The following AREL1 variants were observed in gnomAD, a reference collection of about 807,000 sequenced individuals.
AREL1 encodes the protein apoptosis resistant E3 ubiquitin protein ligase 1.
A neutral mutation model predicts 99.0 loss-of-function variants in AREL1; 62 were observed. The ratio of observed to expected loss-of-function variants is 0.63; its 90% CI spans 0.51 to 0.77. The LOEUF is 0.77. Ranked by LOEUF, AREL1 falls within the 30% of genes least tolerant of loss-of-function variation. The pLI, the probability that AREL1 is intolerant of heterozygous loss-of-function variation, is 0.00. For synonymous variants in AREL1, 380 were observed against 376.5 expected (o/e 1.01, Z -0.11); for missense variants, 879 against 1,027.6 (o/e 0.86, Z 1.98).
intron 6 of AREL1, 121 bp from the exon 7 acceptor site, chr14:74,676,442 G>T: frequency 7.1e-7 from 1 of 1,417,344 alleles, no homozygotes; most frequent in Non-Finnish European, 9.6e-7. Context: ...TTACTAATGA[G>T]ACAGGTATTG....
At chr14:74,702,741 T>C (rs1403537861) in intron 1 of AREL1, among the ~76,000 whole-genome samples, 1 of 152,216 alleles carries the variant, frequency 6.6e-6, no homozygotes, top group Non-Finnish European at 1.5e-5. Context: ...TCCAAACTTT[T>C]ATGCTCTGCT....
rs1288650732 is a variant in AREL1 at position 74,684,698 on chromosome 14, C to A, written c.17-18G>T. On this transcript the variant is annotated intron_variant, in intron 3 of 19. Transcript: ENST00000356357. Reference sequence around the variant, plus strand: ...GATTCCACCTATGCAAAAGAGAGAACACACAAACCGCCTGCCAGTTACACA... The same window carrying A: ...GATTCCACCTATGCAAAAGAGAGAAAACACAAACCGCCTGCCAGTTACACA... 10 of 1,609,436 alleles carry A rather than the reference C, an allele frequency of 6.2e-6. No homozygotes were observed. Among genetic ancestry groups the A allele is most frequent in the Non-Finnish European group, 8.5e-6 (10 of 1,176,110 alleles).
At position 74,663,697 on chromosome 14, in the gene AREL1, C is replaced by G; in HGVS notation, c.*23G>C. 1 of 1,610,178 alleles carries G rather than the reference C, an allele frequency of 6.2e-7. No homozygotes were observed. The highest frequency in any genetic ancestry group is 8.5e-7 in the Non-Finnish European group (1 of 1,177,314). ...CCAGAAGCTCCAGAGAGCATGGGAG[C>G]CAACTGGATGACAGGAGAGTGGTCA... On this transcript the variant is annotated 3_prime_UTR_variant, in exon 20 of 20. Coordinates refer to ENST00000356357, the MANE Select transcript of AREL1 (RefSeq NM_001039479.2).
intron 15 of AREL1, among the ~76,000 whole-genome samples, chr14:74,668,998 G>A (rs531563411): frequency 1.3e-5 from 2 of 152,106 alleles, no homozygotes; most frequent in South Asian, 2.1e-4. Flanking sequence ...CAGCTTCAGC[G>A]CCCACTTCCT....
chr14:74,688,828 ATTTTT>A (rs1358253322), intron 2 of AREL1, among the ~76,000 whole-genome samples: 3 of 142,204 alleles, frequency 2.1e-5, no homozygotes, highest in Admixed American at 1.4e-4. Flanking sequence ...CTTCTATTTT[ATTTTT>A]ATTTTTATTT....
Position 74,683,383 on chromosome 14 carries a change from C to CA in AREL1, c.393dup (p.Val132CysfsTer8). ...ATTTCATAACGCCCAGCCTTGCGCA[C>CA]AGTGAAGGCCACTTTTACTACGTTG... is the stretch of plus-strand genomic sequence containing the variant. On this transcript the variant is annotated frameshift_variant, in exon 5 of 20. Transcript: ENST00000356357. LOFTEE classifies it high-confidence loss of function. 6.2e-7 allele frequency: 1 copy of CA among 1,614,102 alleles called. No homozygotes were observed. The highest frequency in any genetic ancestry group is 8.5e-7 in the Non-Finnish European group (1 of 1,180,026).
intron 1 of AREL1, among the ~76,000 whole-genome samples, chr14:74,700,217 T>C (rs2139972252): frequency 6.6e-6 from 1 of 152,372 alleles, no homozygotes; most frequent in East Asian, 1.9e-4. Flanking sequence ...GCTACATCTA[T>C]ATTATCTCAT....
rs1310344626 is a variant in AREL1, at chr14:74,713,011, G to A, written c.-412C>T. 2.1e-6 allele frequency: 2 copies of A among 941,904 alleles called. No homozygotes were observed. Among genetic ancestry groups the A allele is most frequent in the South Asian group, 1.4e-5 (1 of 73,708 alleles). 58.3% of individuals were successfully genotyped at this position (941,904 alleles called of 1,614,324 possible). A position where few individuals can be genotyped will look rare whatever the true frequency, so the allele number is the denominator to read the frequency against. ...GGCGGCAGCACTCAGCAGAAGACGGGCTCCCCACTCTCCCACCAACAGACC... is the reference window on the plus strand; with the variant it reads ...GGCGGCAGCACTCAGCAGAAGACGGACTCCCCACTCTCCCACCAACAGACC... On this transcript the variant is annotated 5_prime_UTR_variant, in exon 1 of 20. Coordinates refer to ENST00000356357, the MANE Select transcript of AREL1 (RefSeq NM_001039479.2).
chr14:74,672,748 A>G, intron 11 of AREL1, 83 bp downstream of exon 11: 1 of 1,577,140 alleles, frequency 6.3e-7, no homozygotes, highest in Non-Finnish European at 8.6e-7. Context: ...AACAAAAACA[A>G]AAACAAAAAC....
intron 1 of AREL1, among the ~76,000 whole-genome samples, chr14:74,701,065 C>T (rs1239412043): frequency 6.6e-6 from 1 of 152,052 alleles, no homozygotes; most frequent in Non-Finnish European, 1.5e-5. Context: ...TTGAGGGTGG[C>T]CAGGGCTTAG....
At position 74,662,270 on chromosome 14, in the gene AREL1, C is replaced by T. The variant is rs943690524; in HGVS notation, c.*1450G>A. On this transcript the variant is annotated 3_prime_UTR_variant, in exon 20 of 20. Coordinates refer to ENST00000356357, the MANE Select transcript of AREL1 (RefSeq NM_001039479.2). Reference sequence around the variant, plus strand: ...CTGCGAACAGGAGGGCTCAGACATGCTTCCAGGAGGCCAAGGCATTGCCAA... The same window carrying T: ...CTGCGAACAGGAGGGCTCAGACATGTTTCCAGGAGGCCAAGGCATTGCCAA... 1.8e-5 allele frequency: 5 copies of T among 274,584 alleles called. No homozygotes were observed. Among genetic ancestry groups the T allele is most frequent in the South Asian group, 1.7e-4 (1 of 5,890 alleles). The allele number at this position is 274,584 out of a possible 1,614,324, so 17.0% of individuals were successfully genotyped here.
intron 1 of AREL1, among the ~76,000 whole-genome samples, chr14:74,698,417 TA>T (rs2090015006): frequency 6.6e-6 from 1 of 152,332 alleles, no homozygotes; most frequent in African/African-American, 2.4e-5. Context: ...GAAATGGGGT[TA>T]CAGTCTAATT....
At position 74,676,747 on chromosome 14, in the gene AREL1, C is replaced by A. The variant is rs2064617358; in HGVS notation, c.487G>T (p.Val163Leu). 6.3e-7 allele frequency: 1 copy of A among 1,590,066 alleles called. No homozygotes were observed. The change falls in exon 6 of 20, where the codon GTG becomes TTG. Residue 163 changes from valine (V) to leucine (L), a missense_variant. Coordinates refer to ENST00000356357, the MANE Select transcript of AREL1 (RefSeq NM_001039479.2). ...PYYKIFQPGMVVPSKTKIVCH... is the reference protein window; with the variant it reads ...PYYKIFQPGMLVPSKTKIVCH... ...ACAATTTTGGTCTTAGAAGGAACCA[C>A]CATTCCTGGAACAAAGACAATGGAA...
intron 11 of AREL1, among the ~76,000 whole-genome samples, chr14:74,672,358 T>C (rs992071417): frequency 1.3e-5 from 2 of 152,216 alleles, no homozygotes; most frequent in Non-Finnish European, 2.9e-5. Flanking sequence ...TTCAGAAATT[T>C]AGTATATCTG....
intron 1 of AREL1, among the ~76,000 whole-genome samples, chr14:74,705,867 G>A (rs1434870598): frequency 6.6e-6 from 1 of 152,166 alleles, no homozygotes; most frequent in Non-Finnish European, 1.5e-5. Flanking sequence ...GGAGTTGTTT[G>A]CCATTCATTC....
At chr14:74,671,218 C>G (rs1377565615) in intron 12 of AREL1, among the ~76,000 whole-genome samples, 190 bp downstream of exon 12, 1 of 151,110 alleles carries the variant, frequency 6.6e-6, no homozygotes, top group African/African-American at 2.4e-5. Flanking sequence ...CCATCCTGGC[C>G]AGTAAATACT....
intron 1 of AREL1, 148 bp from the exon 2 acceptor site, chr14:74,692,476 A>G (rs2139947695): frequency 3.0e-6 from 1 of 331,928 alleles, no homozygotes; most frequent in South Asian, 2.4e-5. Context: ...CTGACCAAGC[A>G]TTCTCAATTA....
chr14:74,663,719 G>C lies in AREL1; in HGVS notation c.*1C>G. On this transcript the variant is annotated 3_prime_UTR_variant, in exon 20 of 20. Coordinates refer to ENST00000356357, the MANE Select transcript of AREL1 (RefSeq NM_001039479.2). Reference sequence around the variant, plus strand: ...GAGCCAACTGGATGACAGGAGAGTGGTCAGAGCATGCCAAAGCCCTCGCAA... The same window carrying C: ...GAGCCAACTGGATGACAGGAGAGTGCTCAGAGCATGCCAAAGCCCTCGCAA... The C allele has an allele frequency of 1.9e-6, 3 of 1,613,690 alleles. No individual in the cohort carries two copies. Among genetic ancestry groups the C allele is most frequent in the South Asian group, 2.2e-5 (2 of 91,052 alleles).
intron 18 of AREL1, 58 bp from the exon 19 acceptor site, chr14:74,664,132 C>A: frequency 6.4e-7 from 1 of 1,557,552 alleles, no homozygotes. Context: ...GGATTAGATC[C>A]CTGGGGAAGG....
Sources: gnomAD v4.1 joint callset for allele counts (sites outside exome capture counted in the v4.1 genomes callset) on GRCh38, gnomAD v4.1.1 for gene constraint, MANE v1.5 for transcripts, NCBI Gene and HGNC (gene_info 2026-07-23, HGNC 2026-07-21) for gene names.